WWP1: variants seen among roughly 807,000 people sequenced by gnomAD.
WWP1 encodes the protein WW domain containing E3 ubiquitin protein ligase 1.
In WWP1, 49 loss-of-function variants were observed where a neutral mutation model predicts 130.6. The observed-to-expected ratio is 0.38, with a 90% confidence interval of 0.30 to 0.48. WWP1 has a LOEUF of 0.48. WWP1 is among the 20% of genes least tolerant of loss of function. The pLI is 0.99. For missense variants in WWP1, 809 were observed against 1,100.6 expected (o/e 0.74, Z 3.75); for synonymous variants, 332 against 367.8 (o/e 0.90, Z 1.11).
At chr8:86,391,426 T>G (rs1247985553) in intron 5 of WWP1, among the ~76,000 whole-genome samples, 1 of 152,198 alleles carries the variant, frequency 6.6e-6, no homozygotes, top group Non-Finnish European at 1.5e-5. Flanking sequence ...TTTTTAGCTT[T>G]CTTTCCCTTA....
chr8:86,417,850 G>C (rs138692320), intron 9 of WWP1, among the ~76,000 whole-genome samples: 15 of 152,162 alleles, frequency 9.9e-5, no homozygotes, highest in Admixed American at 8.5e-4. Flanking sequence ...TGAGAGCCTT[G>C]TTCTAGGCAT....
intron 8 of WWP1, among the ~76,000 whole-genome samples, chr8:86,403,053 A>G (rs1177257472): frequency 6.6e-6 from 1 of 152,210 alleles, no homozygotes; most frequent in Non-Finnish European, 1.5e-5. Flanking sequence ...TATAAGATTC[A>G]TAAATTGTTT....
chr8:86,375,302 GT>G (rs1003968622), intron 3 of WWP1, among the ~76,000 whole-genome samples: 2 of 148,538 alleles, frequency 1.3e-5, no homozygotes, highest in Admixed American at 1.3e-4. Flanking sequence ...ATCGTTTTCA[GT>G]TTTTTTTTTA....
In WWP1 at chr8:86,364,575, G is replaced by GT. The variant is rs375746632; in HGVS notation, c.-114-4363dup. Among the ~76,000 whole-genome samples, 344 of 152,208 alleles carry GT rather than the reference G, an allele frequency of 2.3e-3. 2 individuals carry two copies. The highest frequency in any genetic ancestry group is 7.9e-3 in the African/African-American group (326 of 41,524). On this transcript the variant is annotated intron_variant, in intron 1 of 24. Transcript: ENST00000517970. Reference sequence around the variant, plus strand: ...TATTTCAGTGCTTTGGGAGTCTGGGGTGGGAGGCTCACTTGAGCTAAGGAG... The same window carrying GT: ...TATTTCAGTGCTTTGGGAGTCTGGGGTTGGGAGGCTCACTTGAGCTAAGGAG...
intron 20 of WWP1, among the ~76,000 whole-genome samples, chr8:86,449,505 C>G (rs1225243326): frequency 6.6e-6 from 1 of 152,152 alleles, no homozygotes; most frequent in Non-Finnish European, 1.5e-5. Context: ...TCCCAAAATA[C>G]TTTTAATATT....
intron 18 of WWP1, among the ~76,000 whole-genome samples, chr8:86,447,840 T>A (rs1335486001): frequency 1.3e-5 from 2 of 152,110 alleles, no homozygotes; most frequent in Non-Finnish European, 2.9e-5. Flanking sequence ...TATTTCCTTA[T>A]CCAGTTAGGT....
chr8:86,381,233 A>G (rs150143935), intron 4 of WWP1, among the ~76,000 whole-genome samples: 95 of 152,286 alleles, frequency 6.2e-4, no homozygotes, highest in African/African-American at 2.1e-3. Flanking sequence ...CAGTGTTACT[A>G]TGAAGTCTCA....
At chr8:86,361,756 C>T (rs1039458710) in intron 1 of WWP1, among the ~76,000 whole-genome samples, 1 of 151,954 alleles carries the variant, frequency 6.6e-6, no homozygotes, top group Non-Finnish European at 1.5e-5. Context: ...TCTTTCCTGA[C>T]AACTCTTTAC....
chr8:86,406,554 T>G (rs1808291260), intron 8 of WWP1, among the ~76,000 whole-genome samples: 1 of 152,186 alleles, frequency 6.6e-6, no homozygotes, highest in Non-Finnish European at 1.5e-5. Flanking sequence ...TTCACCAGCC[T>G]CCTCCAGTGT....
At chr8:86,373,803 A>T (rs181300254) in intron 2 of WWP1, among the ~76,000 whole-genome samples, 2 of 152,230 alleles carry the variant, frequency 1.3e-5, no homozygotes, top group Admixed American at 1.3e-4. Context: ...TAGCAGGCAT[A>T]TCCAGGGCAA....
At position 86,423,431 on chromosome 8, in the gene WWP1, G is replaced by A. The variant is rs1469673375; in HGVS notation, c.1062-1792G>A. Among the ~76,000 whole-genome samples, 5 of 151,802 alleles carry A rather than the reference G, an allele frequency of 3.3e-5. No homozygotes were observed. In the East Asian group the frequency reaches 7.8e-4, roughly 24 times the overall value. ...ATTAGGGAGTGGTGATGACTCTTAA[G>A]GAGTATGCTGCCTTCAAGCATCTGT... On this transcript the variant is annotated intron_variant, in intron 9 of 24. Transcript: ENST00000517970.
intron 5 of WWP1, among the ~76,000 whole-genome samples, chr8:86,383,362 C>T (rs1825091713): frequency 6.6e-6 from 1 of 152,208 alleles, no homozygotes; most frequent in Non-Finnish European, 1.5e-5. Context: ...ATAAAGATAA[C>T]TATCCACTTA....
chr8:86,393,068 C>T (rs1229899632), intron 5 of WWP1, among the ~76,000 whole-genome samples: 33 of 152,094 alleles, frequency 2.2e-4, no homozygotes, highest in Admixed American at 2.2e-3. Context: ...GTTTATTAGT[C>T]ATTCATACTT....
At chr8:86,441,941 C>T (rs759068809) in intron 17 of WWP1, among the ~76,000 whole-genome samples, 2 of 151,988 alleles carry the variant, frequency 1.3e-5, no homozygotes, top group Non-Finnish European at 2.9e-5. Flanking sequence ...AGTTGGATTT[C>T]GCATATTGGA....
intron 1 of WWP1, among the ~76,000 whole-genome samples, chr8:86,352,939 A>T (rs991103444): frequency 6.6e-6 from 1 of 152,196 alleles, no homozygotes; most frequent in Non-Finnish European, 1.5e-5. Flanking sequence ...AATTCTTTTT[A>T]AAAAATGCCT....
rs117660957 is a variant in WWP1 at position 86,407,918 on chromosome 8, C to T, written c.725-3620C>T. Among the ~76,000 whole-genome samples the T allele has an allele frequency of 4.6e-3, 704 of 152,244 alleles. 3 individuals are homozygous for T. Among genetic ancestry groups the T allele is most frequent in the Non-Finnish European group, 7.8e-3 (532 of 68,022 alleles). ...GTTATTAACTAAAGTCCATAGTTTA[C>T]ATTACCTTATATTAACTAATGTTCC... On this transcript the variant is annotated intron_variant, in intron 8 of 24. Transcript: ENST00000517970.
intron 11 of WWP1, among the ~76,000 whole-genome samples, chr8:86,428,739 G>A (rs1809767858): frequency 6.6e-6 from 1 of 152,070 alleles, no homozygotes; most frequent in South Asian, 2.1e-4. Context: ...TCCATGACTT[G>A]TACAGAAATC....
chr8:86,367,762 C>T (rs771915171), intron 1 of WWP1, among the ~76,000 whole-genome samples: 3 of 152,140 alleles, frequency 2.0e-5, no homozygotes, highest in South Asian at 2.1e-4. Flanking sequence ...CTTCTCATAT[C>T]CTGGGGACCA....
chr8:86,389,547 T>G (rs181186857), intron 5 of WWP1, among the ~76,000 whole-genome samples: 1 of 152,346 alleles, frequency 6.6e-6, no homozygotes, highest in African/African-American at 2.4e-5. Context: ...GTCTCTTATG[T>G]CTACTTCTTT....
Sources: gnomAD v4.1 joint callset for allele counts (sites outside exome capture counted in the v4.1 genomes callset) on GRCh38, gnomAD v4.1.1 for gene constraint, MANE v1.5 for transcripts, NCBI Gene and HGNC (gene_info 2026-07-23, HGNC 2026-07-21) for gene names.